The following STK32B variants were observed in gnomAD, a reference collection of about 807,000 sequenced individuals.
STK32B encodes the protein serine/threonine-protein kinase 32B.
In STK32B, 43 loss-of-function variants were observed where a neutral mutation model predicts 52.6. The observed-to-expected ratio is 0.82, with a 90% CI of 0.64 to 1.05. The LOEUF (loss-of-function observed/expected upper bound fraction) is 1.05, where lower values mean the gene tolerates loss of function less well. Among genes scored for constraint, STK32B ranks in the 50% least tolerant of loss-of-function variants. The pLI is 0.00. For missense variants in STK32B, 621 were observed against 534.6 expected (o/e 1.16, Z -1.59); for synonymous variants, 238 against 204.3 (o/e 1.17, Z -1.41).
chr4:5,361,479 C>G (rs1003105195), intron 4 of STK32B, among the ~76,000 whole-genome samples: 1 of 152,168 alleles, frequency 6.6e-6, no homozygotes, highest in African/African-American at 2.4e-5. Context: ...TCAAGCAACA[C>G]CCGCACCTCA....
chr4:5,486,308 C>T (rs114899014), intron 11 of STK32B, among the ~76,000 whole-genome samples: 1,574 of 152,284 alleles, frequency 0.01, 23 homozygotes, highest in African/African-American at 0.035. Flanking sequence ...CCCCCAACCT[C>T]GCTGCAGCCT....
intron 3 of STK32B, among the ~76,000 whole-genome samples, chr4:5,173,090 T>A (rs1719525218): frequency 6.6e-6 from 1 of 152,250 alleles, no homozygotes; most frequent in Admixed American, 6.5e-5. Flanking sequence ...TTCTAGTTTA[T>A]TTGCGTAGAG....
intron 1 of STK32B, among the ~76,000 whole-genome samples, chr4:5,122,733 G>C (rs998210564): frequency 6.6e-6 from 1 of 152,164 alleles, no homozygotes; most frequent in African/African-American, 2.4e-5. Context: ...AGGACTTACT[G>C]TGTGCAGGTC....
At chr4:5,286,532 T>A (rs2108877832) in intron 3 of STK32B, among the ~76,000 whole-genome samples, 1 of 152,350 alleles carries the variant, frequency 6.6e-6, no homozygotes, top group South Asian at 2.1e-4. Context: ...TGCTTAGTTT[T>A]GAATTTTCTA....
At position 5,396,486 on chromosome 4, in the gene STK32B, A is replaced by G. The variant is rs557733110; in HGVS notation, c.435-1721A>G. Among the ~76,000 whole-genome samples, 53 of 152,302 alleles carry G rather than the reference A, an allele frequency of 3.5e-4. No homozygotes were observed. The highest frequency in any genetic ancestry group is 1.2e-3 in the African/African-American group (49 of 41,574). ...TCCCATTCTGAAGTTCTGGGTGGAC[A>G]TGAATTTTGAAGGGACACCATTCAA... On this transcript the variant is annotated intron_variant, in intron 4 of 11. Coordinates refer to ENST00000282908, the MANE Select transcript of STK32B (RefSeq NM_018401.3). This position sits in a 1 kb window ranked among gnomAD's most constrained non-coding sequence, Gnocchi z 4.7.
At chr4:5,473,107 T>C (rs368159203) in intron 11 of STK32B, among the ~76,000 whole-genome samples, 38 of 152,320 alleles carry the variant, frequency 2.5e-4, no homozygotes, top group African/African-American at 7.2e-4. Context: ...ATTCTCAAGG[T>C]CTTGCAATAT....
intron 3 of STK32B, among the ~76,000 whole-genome samples, chr4:5,177,061 A>G (rs1719959834): frequency 6.6e-6 from 1 of 152,308 alleles, no homozygotes; most frequent in African/African-American, 2.4e-5. Flanking sequence ...TCTGTAAGTA[A>G]AAATATTGTT....
upstream of STK32B, among the ~76,000 whole-genome samples, chr4:5,047,502 T>C (rs1741643079): frequency 6.6e-6 from 1 of 152,254 alleles, no homozygotes; most frequent in African/African-American, 2.4e-5. Context: ...AGAGGTCTGA[T>C]TGATGGTTAA....
intron 3 of STK32B, among the ~76,000 whole-genome samples, chr4:5,188,099 T>TGTA (rs1720886291): frequency 6.6e-6 from 1 of 152,196 alleles, no homozygotes; most frequent in African/African-American, 2.4e-5. Flanking sequence ...GAAAAGATAA[T>TGTA]TTGCTGGAGC....
chr4:5,469,702 G>C lies in STK32B; in HGVS notation c.1106+1632G>C, dbSNP rs1209641915. 6.6e-6 allele frequency among the ~76,000 whole-genome samples: 1 copy of C among 152,206 alleles called. No homozygotes were observed. Among genetic ancestry groups the C allele is most frequent in the East Asian group, 1.9e-4 (1 of 5,186 alleles). On this transcript the variant is annotated intron_variant, in intron 11 of 11. Transcript: ENST00000282908. This position sits in a 1 kb window ranked among gnomAD's most constrained non-coding sequence, Gnocchi z 4.7. ...CAGCACAGACACACACACCAGGCTT[G>C]GGCAGCAAGCCTCACCTGCTAGAGG... is the stretch of plus-strand genomic sequence containing the variant.
intron 1 of STK32B, among the ~76,000 whole-genome samples, chr4:5,073,005 G>A (rs1429205060): frequency 6.6e-6 from 1 of 152,042 alleles, no homozygotes; most frequent in East Asian, 1.9e-4. Context: ...CGACATGGCT[G>A]CTGTTAATAT....
intron 3 of STK32B, among the ~76,000 whole-genome samples, chr4:5,258,301 C>A (rs201564074): frequency 6.6e-6 from 1 of 152,200 alleles, no homozygotes; most frequent in Non-Finnish European, 1.5e-5. Flanking sequence ...TGTGCCCTTA[C>A]AGTACATTGG....
rs1009814257 is a variant in STK32B, at chr4:5,470,280, C to G, written c.1106+2210C>G. Among the ~76,000 whole-genome samples the G allele has an allele frequency of 2.6e-5, 4 of 152,086 alleles. No homozygotes were observed. Among genetic ancestry groups the G allele is most frequent in the African/African-American group, 4.8e-5 (2 of 41,410 alleles). ...GGAAATGCAGTTGGCCTGTGGACAC[C>G]CCTGAGATTTGCAGTCAGCCTATGG... On this transcript the variant is annotated intron_variant, in intron 11 of 11. Transcript: ENST00000282908. The surrounding 1 kb of genome is among the most constrained non-coding windows in gnomAD (Gnocchi z 4.6).
chr4:5,323,100 G>A (rs1210304119), intron 3 of STK32B, among the ~76,000 whole-genome samples: 1 of 152,152 alleles, frequency 6.6e-6, no homozygotes, highest in Non-Finnish European at 1.5e-5. Context: ...TCTGTGAAGA[G>A]CACCTCTCCT....
At chr4:5,466,897 C>G in intron 10 of STK32B, 63 bp downstream of exon 10, 3 of 1,550,128 alleles carry the variant, frequency 1.9e-6, no homozygotes, top group African/African-American at 2.8e-5. Context: ...AATGACTGAG[C>G]CAGGCCACTG....
intron 11 of STK32B, 138 bp downstream of exon 11, chr4:5,468,208 C>A: frequency 1.2e-6 from 1 of 808,662 alleles, no homozygotes; most frequent in South Asian, 1.6e-5. Context: ...AGACACAGGG[C>A]TCTGGTGGGG....
At chr4:5,327,942 A>G (rs911506312) in intron 3 of STK32B, among the ~76,000 whole-genome samples, 4 of 152,212 alleles carry the variant, frequency 2.6e-5, no homozygotes, top group African/African-American at 9.6e-5. Context: ...GATCTGAGCT[A>G]GATCTTCTGG....
chr4:5,143,204 T>C (rs1208946667), intron 2 of STK32B, among the ~76,000 whole-genome samples: 2 of 152,128 alleles, frequency 1.3e-5, no homozygotes, highest in African/African-American at 4.8e-5. Context: ...CATGGCACAA[T>C]AGTGGGACAA....
At chr4:5,059,366 T>G (rs1427154139) in intron 1 of STK32B, among the ~76,000 whole-genome samples, 1 of 152,168 alleles carries the variant, frequency 6.6e-6, no homozygotes, top group South Asian at 2.1e-4. Context: ...TACCCTTTAT[T>G]GCACGGAAGA....
Sources: allele counts gnomAD v4.1 joint callset (sites outside exome capture counted in the v4.1 genomes callset), GRCh38; gene constraint gnomAD v4.1.1; non-coding constraint Gnocchi (gnomAD v3.1); transcripts MANE v1.5; gene names NCBI Gene and HGNC (gene_info 2026-07-23, HGNC 2026-07-21).